Variants in TTC29 observed in about 807,000 individuals in gnomAD.
TTC29 encodes tetratricopeptide repeat protein 29.
A neutral mutation model predicts 58.1 loss-of-function variants in TTC29; 49 were observed. The observed-to-expected ratio is 0.84, with a 90% confidence interval of 0.67 to 1.07. TTC29 has a LOEUF of 1.07. TTC29 is among the 50% of genes least tolerant of loss of function. The pLI is 0.00. For missense variants in TTC29, 582 were observed against 555.6 expected (o/e 1.05, Z -0.48); for synonymous variants, 209 against 196.8 (o/e 1.06, Z -0.52).
chr4:146,894,243 C>T (rs1385328954), intron 6 of TTC29, among the ~76,000 whole-genome samples: 91 of 151,370 alleles, frequency 6.0e-4, no homozygotes, highest in Admixed American at 2.2e-3. Flanking sequence ...ATGTTTATTG[C>T]GGCACTATTC....
At chr4:146,712,037 AAATAG>A (rs1742533927) in intron 11 of TTC29, among the ~76,000 whole-genome samples, 1 of 152,046 alleles carries the variant, frequency 6.6e-6, no homozygotes, top group South Asian at 2.1e-4. Context: ...ATACATAAAT[AAATAG>A]AATATTTAAC....
intron 10 of TTC29, among the ~76,000 whole-genome samples, chr4:146,806,106 A>C (rs975192959): frequency 6.6e-6 from 1 of 152,246 alleles, no homozygotes; most frequent in African/African-American, 2.4e-5. Context: ...AAGAATTTTC[A>C]ACTCAGAATT....
At chr4:146,897,188 T>A (rs1579936147) in intron 6 of TTC29, among the ~76,000 whole-genome samples, 1 of 152,116 alleles carries the variant, frequency 6.6e-6, no homozygotes, top group Admixed American at 6.5e-5. Context: ...TTGGTGGTCA[T>A]AATATAACCA....
chr4:146,830,419 T>G (rs568913279), intron 9 of TTC29, among the ~76,000 whole-genome samples: 2 of 152,180 alleles, frequency 1.3e-5, no homozygotes, highest in South Asian at 4.1e-4. Context: ...CTTATAACCA[T>G]TTTAGAAGCT....
chr4:146,762,759 C>A (rs561893878), intron 11 of TTC29, among the ~76,000 whole-genome samples: 1 of 151,750 alleles, frequency 6.6e-6, no homozygotes, highest in Non-Finnish European at 1.5e-5. Context: ...GGGATATAAC[C>A]GAAGTATAAT....
In TTC29 at chr4:146,785,681, G is replaced by A. The variant is rs149896309; in HGVS notation, c.1330+17776C>T. On this transcript the variant is annotated intron_variant, in intron 11 of 12. Transcript: ENST00000325106. ...ATTTTCCAAATGATTAAACTTTTTC[G>A]TTGTAATTCTGCAAATCCCTTTTCA... Among the ~76,000 whole-genome samples, 415 of 152,034 alleles carry A rather than the reference G, an allele frequency of 2.7e-3. 5 individuals carry two copies. Among genetic ancestry groups the A allele is most frequent in the African/African-American group, 9.5e-3 (393 of 41,460 alleles).
At chr4:146,779,784 CACTT>C (rs1195804618) in intron 11 of TTC29, among the ~76,000 whole-genome samples, 1 of 152,136 alleles carries the variant, frequency 6.6e-6, no homozygotes, top group Non-Finnish European at 1.5e-5. Flanking sequence ...TTCTGAATCT[CACTT>C]AATGGAAGAC....
chr4:146,942,524 A>G (rs1003655588), intron 2 of TTC29: 10 of 1,069,772 alleles, frequency 9.3e-6, no homozygotes, highest in Non-Finnish European at 1.3e-6. Context: ...AAGAAGTTAT[A>G]ACTCATGTGA....
At chr4:146,765,790 G>A (rs1267834675) in intron 11 of TTC29, among the ~76,000 whole-genome samples, 1 of 152,114 alleles carries the variant, frequency 6.6e-6, no homozygotes, top group Admixed American at 6.6e-5. Flanking sequence ...AAATGATGAT[G>A]ATACTCTATG....
chr4:146,886,651 A>T (rs2150241327), intron 6 of TTC29, among the ~76,000 whole-genome samples: 1 of 152,268 alleles, frequency 6.6e-6, no homozygotes, highest in African/African-American at 2.4e-5. Flanking sequence ...TTAAATTTAT[A>T]ATTTTTCCTG....
intron 7 of TTC29, among the ~76,000 whole-genome samples, chr4:146,872,244 A>T (rs1306155230): frequency 6.6e-6 from 1 of 152,100 alleles, no homozygotes; most frequent in African/African-American, 2.4e-5. Context: ...GCACACACAC[A>T]CACATGAAAA....
At chr4:146,787,319 C>T (rs1395938632) in intron 11 of TTC29, among the ~76,000 whole-genome samples, 1 of 152,064 alleles carries the variant, frequency 6.6e-6, no homozygotes. Flanking sequence ...ACATCATGCT[C>T]AATAGGTAAT....
intron 4 of TTC29, among the ~76,000 whole-genome samples, chr4:146,929,129 A>C (rs967819730): frequency 6.6e-6 from 1 of 152,238 alleles, no homozygotes; most frequent in African/African-American, 2.4e-5. Flanking sequence ...AACATTGGAA[A>C]TTTTCCAGCA....
intron 5 of TTC29, among the ~76,000 whole-genome samples, chr4:146,908,058 T>C (rs959525215): frequency 3.9e-5 from 6 of 152,196 alleles, no homozygotes; most frequent in Admixed American, 2.0e-4. Context: ...AAATATGTAT[T>C]GGCTCCAACA....
At chr4:146,940,127 G>A (rs1352406502) in intron 2 of TTC29, among the ~76,000 whole-genome samples, 1 of 152,138 alleles carries the variant, frequency 6.6e-6, no homozygotes, top group African/African-American at 2.4e-5. Context: ...TTATTTGTCT[G>A]TATCTTCAGC....
intron 9 of TTC29, among the ~76,000 whole-genome samples, chr4:146,830,143 T>C (rs1192210223): frequency 2.0e-5 from 3 of 152,202 alleles, no homozygotes; most frequent in Admixed American, 2.0e-4. Context: ...CATCAAATCT[T>C]TTCTTCACTA....
intron 2 of TTC29, among the ~76,000 whole-genome samples, chr4:146,944,559 T>C (rs1232611814): frequency 2.0e-5 from 3 of 152,146 alleles, no homozygotes; most frequent in African/African-American, 7.2e-5. Flanking sequence ...GGAGGCTACT[T>C]GGAGAATGAC....
Position 146,909,206 on chromosome 4 carries a change from G to C in TTC29, c.220C>G (p.Arg74Gly). The change falls in exon 5 of 13, where the codon CGA becomes GGA. Residue 74 changes from arginine (R) to glycine (G), a missense_variant. Physicochemically the swap from Arg to Gly is moderately radical, Grantham distance 125 (BLOSUM62 -2). Coordinates refer to ENST00000325106, the MANE Select transcript of TTC29 (RefSeq NM_031956.4). ...YKKNICVDML[R>G]DGYHKSFTEL... ...GTGAAGGACTTATGATAACCATCTC[G>C]CAGCATGTCCACACAGATATTCTTC... is the stretch of plus-strand genomic sequence containing the variant. The C allele has an allele frequency of 6.2e-7, 1 of 1,613,346 alleles. No individual in the cohort carries two copies. The highest frequency in any genetic ancestry group is 8.5e-7 in the Non-Finnish European group (1 of 1,179,764).
At chr4:146,727,655 C>T (rs954346635) in intron 11 of TTC29, among the ~76,000 whole-genome samples, 2 of 152,152 alleles carry the variant, frequency 1.3e-5, no homozygotes, top group Non-Finnish European at 2.9e-5. Context: ...TCCTCCATAT[C>T]TTTTCATAGG....
Sources: allele counts gnomAD v4.1 joint callset (sites outside exome capture counted in the v4.1 genomes callset), GRCh38; gene constraint gnomAD v4.1.1; transcripts MANE v1.5; gene names NCBI Gene and HGNC (gene_info 2026-07-23, HGNC 2026-07-21).